ABCA2: variants seen among roughly 807,000 people sequenced by gnomAD.
ABCA2 encodes ATP binding cassette subfamily A member 2.
A neutral mutation model predicts 262.8 loss-of-function variants in ABCA2; 84 were observed. That is an observed-to-expected ratio of 0.32 (90% CI 0.27 to 0.38). ABCA2 has a LOEUF of 0.38. ABCA2 is among the 10% of genes least tolerant of loss of function. ABCA2 has a pLI of 1.00. For missense variants in ABCA2, 2,662 were observed against 3,405.9 expected, an observed-to-expected ratio of 0.78 and a Z score of 5.44; for synonymous variants, 1,696 against 1,502.9, an observed-to-expected ratio of 1.13 and a Z score of -2.97.
Position 137,012,393 on chromosome 9 carries a change from A to T in ABCA2, c.5188-17T>A, listed in dbSNP as rs368060818. ...GTAGAAAACCTGCAGAAGGAAGAGG[A>T]CACAGAAAGGCCCCAGGACCTCAGA... On this transcript the variant is annotated splice_polypyrimidine_tract_variant and intron_variant, in intron 32 of 48. Transcript: ENST00000341511. 6.2e-7 allele frequency: 1 copy of T among 1,610,470 alleles called. No homozygotes were observed. Among genetic ancestry groups the T allele is most frequent in the Non-Finnish European group, 8.5e-7 (1 of 1,178,288 alleles).
chr9:137,015,815 G>A lies in ABCA2; in HGVS notation c.3374C>T (p.Ser1125Leu), dbSNP rs1831238269. Residue 1125 changes from serine (S) to leucine (L), a missense_variant, in exon 23 of 49, where the codon TCG becomes TTG. Ser to Leu is a moderately radical substitution (Grantham distance 145). Coordinates refer to ENST00000341511, the MANE Select transcript of ABCA2 (RefSeq NM_001606.5). ...GGACAGCTTGCGCTTCATGCCACCC[G>A]ACAATGTCTGCACCAGTGAGTGCCG... ...NKRHSLVQTL[S>L]GGMKRKLSVA... 4.3e-6 allele frequency: 7 copies of A among 1,612,290 alleles called. No homozygotes were observed. The highest frequency in any genetic ancestry group is 5.9e-6 in the Non-Finnish European group (7 of 1,179,748).
At chr9:137,028,654 C>T (rs562732530), upstream of ABCA2, 19 of 1,132,000 alleles carry the variant, frequency 1.7e-5, no homozygotes, top group South Asian at 3.8e-5. This position sits in a 1 kb window ranked among gnomAD's most constrained non-coding sequence, Gnocchi z 6.9. Flanking sequence ...GGGGCCAGCT[C>T]ACCCCCGTAA....
chr9:137,025,725 G>A (rs956208913), intron 1 of ABCA2, among the ~76,000 whole-genome samples: 6 of 152,158 alleles, frequency 3.9e-5, no homozygotes, highest in Non-Finnish European at 5.9e-5. Flanking sequence ...AGCACGGGGC[G>A]CCAGCCCCGC....
Position 137,012,581 on chromosome 9 carries a change from G to A in ABCA2, c.5091C>T (p.Ala1697=), listed in dbSNP as rs1171466068. ...SDRFRLHRYG[A]ITFGNVLKSI... The stretch of plus-strand genomic sequence containing the variant: ...ACTTCAGGACGTTTCCAAAGGTGAT[G>A]GCCCCATACCTGGGCAGGCAGGTGG... Residue 1697 remains alanine (A), a synonymous_variant, in exon 32 of 49, where the codon GCC becomes GCT. Transcript: ENST00000341511. 6.2e-7 allele frequency: 1 copy of A among 1,611,814 alleles called. No individual in the cohort carries two copies. Among genetic ancestry groups the A allele is most frequent in the South Asian group, 1.1e-5 (1 of 91,090 alleles).
chr9:137,017,427 G>A, intron 17 of ABCA2, 75 bp downstream of exon 17: 2 of 1,599,464 alleles, frequency 1.3e-6, no homozygotes, highest in Non-Finnish European at 1.7e-6. Context: ...GGTCCAGGGG[G>A]CTCTGAGAGG....
In ABCA2 at chr9:137,010,999, G is replaced by A. The variant is rs1371532582; in HGVS notation, c.6030C>T (p.Cys2010=). The part of the protein sequence containing the change: ...GVVGFLLTIM[C]QYNFLRRPQR... ...GTGGCCGCCGCAGGAAGTTGTACTG[G>A]CACATGATGGTCAGGAGGAAGCCCA... The change falls in exon 39 of 49, where the codon TGC becomes TGT. Residue 2010 remains cysteine, a synonymous_variant. Coordinates refer to ENST00000341511, the MANE Select transcript of ABCA2 (RefSeq NM_001606.5). 1 of 1,604,104 alleles carries A rather than the reference G, an allele frequency of 6.2e-7. No individual in the cohort carries two copies. The highest frequency in any genetic ancestry group is 8.5e-7 in the Non-Finnish European group (1 of 1,176,950).
chr9:137,018,125 C>T, intron 14 of ABCA2, 50 bp from the exon 15 acceptor site: 2 of 1,610,012 alleles, frequency 1.2e-6, no homozygotes, highest in Middle Eastern at 1.7e-4. Context: ...CTCGTCCTCA[C>T]ACCTGTCCTC....
At chr9:137,015,186 C>A in intron 24 of ABCA2, 89 bp from the exon 25 acceptor site, 2 of 1,415,026 alleles carry the variant, frequency 1.4e-6, no homozygotes, top group Non-Finnish European at 1.9e-6. Context: ...AAGATATGGG[C>A]ATTGGAGAGG....
rs564413927 is a variant in ABCA2 at position 137,013,461 on chromosome 9, C to A, written c.4550G>T (p.Arg1517Leu). 1 of 1,603,086 alleles carries A rather than the reference C, an allele frequency of 6.2e-7. No homozygotes were observed. Among genetic ancestry groups the A allele is most frequent in the Admixed American group, 1.7e-5 (1 of 58,092 alleles). The change falls in exon 29 of 49, where the codon CGG becomes CTG. Residue 1517 changes from arginine (R) to leucine (L), a missense_variant and splice_region_variant. Transcript: ENST00000341511. ...AGGCTGCCCCCGCTGGAGGCCTCAC[C>A]GGTACTCGCGGCGCTCCTCGTTGGC... ...PYANEERREYRLRLSPDASPQ... is the reference protein window; with the variant it reads ...PYANEERREYLLRLSPDASPQ...
rs767037178 is a variant in ABCA2 at position 137,008,826 on chromosome 9, G to T, written c.6973C>A (p.His2325Asn). The T allele has an allele frequency of 6.2e-7, 1 of 1,605,412 alleles. No individual in the cohort carries two copies. The highest frequency in any genetic ancestry group is 1.1e-5 in the South Asian group (1 of 90,714). The change falls in exon 47 of 49, where the codon CAC becomes AAC. Residue 2325 changes from histidine to asparagine, a missense_variant. By Grantham distance (68) the His-to-Asn change is moderately conservative. This residue lies in a region of ABCA2 where 212 missense variants were observed against 214.4 expected (regional missense o/e 0.99). Transcript: ENST00000341511. ...CTGAACACCTGGGCCAGCGAGATGTGCTCCGACTTGAGCTGGTACTGCACC... is the reference window on the plus strand; with the variant it reads ...CTGAACACCTGGGCCAGCGAGATGTTCTCCGACTTGAGCTGGTACTGCACC... ...TKVQYQLKSE[H>N]ISLAQVFSKM... is the part of the protein sequence containing the mutation.
chr9:137,022,200 CAG>C (rs1370779938), intron 6 of ABCA2, 149 bp downstream of exon 6: 4 of 823,712 alleles, frequency 4.9e-6, no homozygotes, highest in Non-Finnish European at 6.1e-6. Flanking sequence ...GGGCATGGCT[CAG>C]AGAGTGGGGG....
Position 137,021,486 on chromosome 9 carries a change from A to G in ABCA2, c.803T>C (p.Val268Ala). 1 of 1,611,450 alleles carries G rather than the reference A, an allele frequency of 6.2e-7. No homozygotes were observed. The highest frequency in any genetic ancestry group is 8.5e-7 in the Non-Finnish European group (1 of 1,179,426). The part of the protein sequence containing the change: ...KGALQGYRDA[V>A]CSGQAAARAR... ...ACGCGCAGCAGCCTGCCCACTGCAG[A>G]CAGCATCCCGGTAGCCCTGCAGGGC... The change falls in exon 8 of 49, where the codon GTC becomes GCC. Residue 268 changes from valine to alanine, a missense_variant. Physicochemically the swap from Val to Ala is moderately conservative, Grantham distance 64. Around this residue, in one of 12 missense-constraint regions of ABCA2, gnomAD observed 403 missense variants for 375.9 expected, o/e 1.07. Coordinates refer to ENST00000341511, the MANE Select transcript of ABCA2 (RefSeq NM_001606.5). The surrounding 1 kb of genome is among the most constrained non-coding windows in gnomAD (Gnocchi z 6.0).
chr9:137,007,897 G>A lies in ABCA2; in HGVS notation c.*32C>T. 6.2e-7 allele frequency: 1 copy of A among 1,603,568 alleles called. No individual in the cohort carries two copies. Among genetic ancestry groups the A allele is most frequent in the East Asian group, 2.2e-5 (1 of 44,854 alleles). Reference sequence around the variant, plus strand: ...CTGGCCCAGCTCTGGGTGGTCAGTGGAGCGTGTCCTCCCTGGCCCAGCTCT... The same window carrying A: ...CTGGCCCAGCTCTGGGTGGTCAGTGAAGCGTGTCCTCCCTGGCCCAGCTCT... On this transcript the variant is annotated 3_prime_UTR_variant, in exon 49 of 49. Transcript: ENST00000341511.
chr9:137,019,421 C>T lies in ABCA2; in HGVS notation c.1426-115G>A. The T allele has an allele frequency of 2.4e-6, 3 of 1,244,770 alleles. No homozygotes were observed. Among genetic ancestry groups the T allele is most frequent in the East Asian group, 2.6e-5 (1 of 38,630 alleles). 77.1% of individuals were successfully genotyped at this position (1,244,770 alleles called of 1,614,324 possible). A position where few individuals can be genotyped will look rare whatever the true frequency, so the allele number is the denominator to read the frequency against. ...TCCATTGCCAACAACTAACCCTCCC[C>T]ACCTTTTTTTTTTTTTTTTTCCTGA... On this transcript the variant is annotated intron_variant, in intron 10 of 48. Transcript: ENST00000341511. This position sits in a 1 kb window ranked among gnomAD's most constrained non-coding sequence, Gnocchi z 4.4.
Position 137,008,554 on chromosome 9 carries a change from T to G in ABCA2, c.7137A>C (p.Ala2379=). ...LEQQETEPPS[A]LQSPLGCLLS... is the part of the protein sequence containing the mutation. The stretch of plus-strand genomic sequence containing the variant: ...GCAAGCAGCCGAGAGGGGACTGCAG[T>G]GCGGATGGCGGCTCCGTCTCCTGCT... The change falls in exon 48 of 49, where the codon GCA becomes GCC. Residue 2379 remains alanine, a synonymous_variant. Coordinates refer to ENST00000341511, the MANE Select transcript of ABCA2 (RefSeq NM_001606.5). 2 of 1,606,808 alleles carry G rather than the reference T, an allele frequency of 1.2e-6. No homozygotes were observed. The highest frequency in any genetic ancestry group is 1.7e-6 in the Non-Finnish European group (2 of 1,177,406).
chr9:137,012,217 G>A lies in ABCA2; in HGVS notation c.5299+48C>T, dbSNP rs777216828. ...TCAGGCCCCAGCTCCTCCCCGCCCCGGCCCCAGCTCCTCCCCGCCCCGCCC... is the reference window on the plus strand; with the variant it reads ...TCAGGCCCCAGCTCCTCCCCGCCCCAGCCCCAGCTCCTCCCCGCCCCGCCC... On this transcript the variant is annotated intron_variant, in intron 33 of 48. Coordinates refer to ENST00000341511, the MANE Select transcript of ABCA2 (RefSeq NM_001606.5). The A allele has an allele frequency of 6.7e-5, 53 of 790,176 alleles. No homozygotes were observed. In the East Asian group the frequency reaches 1.7e-3, roughly 26 times the overall value. The allele number at this position is 790,176 out of a possible 1,614,324, so 48.9% of individuals were successfully genotyped here. A position where few individuals can be genotyped will look rare whatever the true frequency, so the allele number is the denominator to read the frequency against.
chr9:137,020,178 C>G (rs1019180109), intron 10 of ABCA2, 158 bp downstream of exon 10: 2 of 919,950 alleles, frequency 2.2e-6, no homozygotes, highest in South Asian at 3.2e-5. Context: ...AAAGCGACCC[C>G]CTGGTCCCCC....
chr9:137,011,318 T>G lies in ABCA2; in HGVS notation c.5800-9A>C, dbSNP rs774535515. Reference sequence around the variant, plus strand: ...TTGACAACCTTCAGGTCCTGCGGGGTGGCCGGGGTCAGGGGCACAGGGGTG... The same window carrying G: ...TTGACAACCTTCAGGTCCTGCGGGGGGGCCGGGGTCAGGGGCACAGGGGTG... On this transcript the variant is annotated splice_polypyrimidine_tract_variant and intron_variant, in intron 37 of 48. Coordinates refer to ENST00000341511, the MANE Select transcript of ABCA2 (RefSeq NM_001606.5). The surrounding 1 kb of genome is among the most constrained non-coding windows in gnomAD (Gnocchi z 8.8). 1.1e-5 allele frequency: 17 copies of G among 1,606,296 alleles called. No homozygotes were observed. The highest frequency in any genetic ancestry group is 9.4e-5 in the African/African-American group (7 of 74,592).
At chr9:137,008,112 C>T in intron 48 of ABCA2, 148 bp from the exon 49 acceptor site, 1 of 1,051,608 alleles carries the variant, frequency 9.5e-7, no homozygotes, top group Non-Finnish European at 1.4e-6. Flanking sequence ...TCTGGGCTCT[C>T]CCGGGCCTCC....
Sources: gnomAD v4.1 joint callset for allele counts (sites outside exome capture counted in the v4.1 genomes callset) on GRCh38, gnomAD v4.1.1 for gene constraint, gnomAD v4.1.1 regional missense constraint, Gnocchi (gnomAD v3.1) non-coding constraint, MANE v1.5 for transcripts, NCBI Gene and HGNC (gene_info 2026-07-23, HGNC 2026-07-21) for gene names.